APCDD1: variants seen among roughly 807,000 people sequenced by gnomAD.
The protein encoded by APCDD1 is protein APCDD1.
In APCDD1, 15 loss-of-function variants were observed where a neutral mutation model predicts 38.1. The observed-to-expected ratio is 0.39, with a 90% CI of 0.26 to 0.61. APCDD1 has a LOEUF of 0.61. Among genes scored for constraint, APCDD1 ranks in the 20% least tolerant of loss-of-function variants. The pLI, the probability that APCDD1 is intolerant of heterozygous loss-of-function variation, is 0.49. For missense variants in APCDD1, 647 were observed against 696.2 expected (o/e 0.93, Z 0.79); for synonymous variants, 261 against 279.7 (o/e 0.93, Z 0.67).
chr18:10,469,348 A>G lies in APCDD1; in HGVS notation c.242+696A>G, dbSNP rs781309654. ...TTCCTTGGGGAGGGATCAGATGAAT[A>G]TGGAGAAGAGAAAAAAAGAAATTGT... is the stretch of plus-strand genomic sequence containing the variant. On this transcript the variant is annotated intron_variant, in intron 2 of 4. Transcript: ENST00000355285. The surrounding 1 kb of genome is among the most constrained non-coding windows in gnomAD (Gnocchi z 5.5). 6.6e-6 allele frequency among the ~76,000 whole-genome samples: 1 copy of G among 152,300 alleles called. No homozygotes were observed. The highest frequency in any genetic ancestry group is 2.4e-5 in the African/African-American group (1 of 41,572).
chr18:10,487,599 T>C lies in APCDD1; in HGVS notation c.1106T>C (p.Met369Thr), dbSNP rs751310085. 4.3e-6 allele frequency: 7 copies of C among 1,613,976 alleles called. No individual in the cohort carries two copies. The South Asian group carries it at 4.4e-5, about 10-fold the overall frequency. Reference protein sequence around the residue: ...GTEFVFKVNHMKVTPMDAATA... With the variant: ...GTEFVFKVNHTKVTPMDAATA... The stretch of plus-strand genomic sequence containing the variant: ...CCTTTCTCCTTTGCAGTGAATCACA[T>C]GAAGGTCACCCCCATGGATGCGGCC... The change falls in exon 5 of 5, where the codon ATG becomes ACG. Residue 369 changes from methionine to threonine, a missense_variant. Met to Thr is a moderately conservative substitution (Grantham distance 81). Coordinates refer to ENST00000355285, the MANE Select transcript of APCDD1 (RefSeq NM_153000.5).
intron 3 of APCDD1, among the ~76,000 whole-genome samples, chr18:10,479,575 G>A (rs1041226056): frequency 6.6e-6 from 1 of 152,194 alleles, no homozygotes; most frequent in African/African-American, 2.4e-5. Context: ...CTGGGGAAAC[G>A]TCTGTTCTCT....
chr18:10,478,229 T>A (rs1193187208), intron 3 of APCDD1, among the ~76,000 whole-genome samples: 1 of 152,228 alleles, frequency 6.6e-6, no homozygotes, highest in Non-Finnish European at 1.5e-5. Flanking sequence ...TGGACAGTGG[T>A]AACAGGCCCG....
At chr18:10,459,868 T>G (rs1042798333) in intron 1 of APCDD1, among the ~76,000 whole-genome samples, 12 of 152,122 alleles carry the variant, frequency 7.9e-5, no homozygotes, top group Non-Finnish European at 2.9e-5. Flanking sequence ...ACGAGAACAC[T>G]TTTCTCAGTC....
chr18:10,459,980 C>T (rs1007690744), intron 1 of APCDD1, among the ~76,000 whole-genome samples: 1 of 152,194 alleles, frequency 6.6e-6, no homozygotes, highest in Non-Finnish European at 1.5e-5. Flanking sequence ...GATATTTTGA[C>T]ATTATACTTA....
chr18:10,459,287 A>G (rs547632205), intron 1 of APCDD1, among the ~76,000 whole-genome samples: 8 of 150,688 alleles, frequency 5.3e-5, no homozygotes, highest in Admixed American at 4.0e-4. Context: ...TGATTGCACT[A>G]TTTTCCCTGC....
intron 4 of APCDD1, 96 bp from the exon 5 acceptor site, chr18:10,487,494 C>T: frequency 7.9e-7 from 1 of 1,268,514 alleles, no homozygotes; most frequent in Non-Finnish European, 1.1e-6. Flanking sequence ...AAAAGAAAGC[C>T]TTGTCTAGTT....
chr18:10,483,674 C>T (rs560793314), intron 3 of APCDD1, among the ~76,000 whole-genome samples: 2 of 152,346 alleles, frequency 1.3e-5, no homozygotes, highest in South Asian at 4.1e-4. Flanking sequence ...CAAGTGTGTG[C>T]CTGCCCAGTC....
chr18:10,461,215 G>A (rs1191486427), intron 1 of APCDD1, among the ~76,000 whole-genome samples: 1 of 152,046 alleles, frequency 6.6e-6, no homozygotes, highest in Non-Finnish European at 1.5e-5. Context: ...CAGAGCTCCA[G>A]GATCTCATTT....
Position 10,468,662 on chromosome 18 carries a change from C to T in APCDD1, c.242+10C>T. 1.9e-6 allele frequency: 3 copies of T among 1,613,102 alleles called. No homozygotes were observed. Among genetic ancestry groups the T allele is most frequent in the South Asian group, 2.2e-5 (2 of 91,024 alleles). The stretch of plus-strand genomic sequence containing the variant: ...ACTGGGTCTCCACAGGGTAAGAGGA[C>T]AGGTGGGGTCTGGGAGAGGCCAGAG... On this transcript the variant is annotated intron_variant, in intron 2 of 4. Coordinates refer to ENST00000355285, the MANE Select transcript of APCDD1 (RefSeq NM_153000.5).
At chr18:10,455,574 G>A (rs1359974856) in intron 1 of APCDD1, among the ~76,000 whole-genome samples, 1 of 152,212 alleles carries the variant, frequency 6.6e-6, no homozygotes, top group East Asian at 1.9e-4. Context: ...CGATTGAGGC[G>A]GGGTTGTGGG....
Position 10,468,560 on chromosome 18 carries a change from A to G in APCDD1, c.150A>G (p.Ser50=), listed in dbSNP as rs764386254. 54 of 1,614,072 alleles carry G rather than the reference A, an allele frequency of 3.3e-5. No homozygotes were observed. The highest frequency in any genetic ancestry group is 4.2e-5 in the Non-Finnish European group (50 of 1,180,050). Residue 50 remains serine, a synonymous_variant, in exon 2 of 5, where the codon TCA becomes TCG. Transcript: ENST00000355285. ...EKSAWRAFKE[S]QCHHMLKHLH... is the part of the protein sequence containing the mutation. ...GTGCCTGGAGGGCTTTTAAGGAGTC[A>G]CAGTGCCATCACATGCTCAAACATC...
chr18:10,463,605 C>A (rs73942616), intron 1 of APCDD1, among the ~76,000 whole-genome samples: 1 of 152,174 alleles, frequency 6.6e-6, no homozygotes, highest in African/African-American at 2.4e-5. Flanking sequence ...AATTCCCAGC[C>A]ATTTAACAGA....
chr18:10,483,932 C>T (rs570272472), intron 3 of APCDD1, among the ~76,000 whole-genome samples: 13 of 152,358 alleles, frequency 8.5e-5, no homozygotes, highest in Admixed American at 6.5e-4. Context: ...GGAGGCAGCC[C>T]GGGCTCAGAG....
intron 1 of APCDD1, among the ~76,000 whole-genome samples, chr18:10,455,929 A>G (rs2030370097): frequency 6.6e-6 from 1 of 152,088 alleles, no homozygotes; most frequent in Non-Finnish European, 1.5e-5. Flanking sequence ...AACTGTCCCT[A>G]ATGGTCAGAC....
intron 4 of APCDD1, 51 bp from the exon 5 acceptor site, chr18:10,487,539 G>A: frequency 6.3e-7 from 1 of 1,589,524 alleles, no homozygotes; most frequent in African/African-American, 1.3e-5. Context: ...TGGGTTTCTG[G>A]ATCCCACGCC....
chr18:10,473,042 ACT>A (rs1027714509), intron 3 of APCDD1, among the ~76,000 whole-genome samples: 3 of 151,718 alleles, frequency 2.0e-5, no homozygotes, highest in Non-Finnish European at 2.9e-5. Context: ...TTCGTGGAAC[ACT>A]CTCTAGCACG....
At chr18:10,482,049 C>T (rs550899072) in intron 3 of APCDD1, among the ~76,000 whole-genome samples, 2 of 152,224 alleles carry the variant, frequency 1.3e-5, no homozygotes, top group African/African-American at 2.4e-5. Context: ...TCCCCTCCCC[C>T]GAGCCTTTGC....
chr18:10,464,152 G>A (rs181591214), intron 1 of APCDD1, among the ~76,000 whole-genome samples: 29 of 151,946 alleles, frequency 1.9e-4, no homozygotes, highest in Admixed American at 6.5e-4. Context: ...CTCCTTTCCC[G>A]TGTGACTCTA....
Sources: gnomAD v4.1 joint callset for allele counts (sites outside exome capture counted in the v4.1 genomes callset) on GRCh38, gnomAD v4.1.1 for gene constraint, Gnocchi (gnomAD v3.1) non-coding constraint, MANE v1.5 for transcripts, NCBI Gene and HGNC (gene_info 2026-07-23, HGNC 2026-07-21) for gene names.